Variants in OPCML observed in about 807,000 individuals in gnomAD.
OPCML encodes the protein opioid binding protein/cell adhesion molecule like.
Under a neutral mutation model 37.8 loss-of-function variants are expected in OPCML, and 13 were observed. The ratio of observed to expected loss-of-function variants is 0.34; its 90% CI spans 0.22 to 0.55. The LOEUF (loss-of-function observed/expected upper bound fraction) is 0.55. Ranked by LOEUF, OPCML falls within the 20% of genes least tolerant of loss-of-function variation. OPCML has a pLI of 0.91. For synonymous variants in OPCML, 176 were observed against 168.8 expected, an observed-to-expected ratio of 1.04 and a Z score of -0.33; for missense variants, 341 against 435.6, an observed-to-expected ratio of 0.78 and a Z score of 1.93.
In OPCML at chr11:132,791,657, C is replaced by T. The variant is rs1937914741; in HGVS notation, c.147-134338G>A. On this transcript the variant is annotated intron_variant, in intron 2 of 7. Transcript: ENST00000524381. ...TCAAAGTGAACATGGAGTATATGTT[C>T]CATATATGCTTACCTACTGTGCATG... 3.9e-5 allele frequency among the ~76,000 whole-genome samples: 6 copies of T among 152,140 alleles called. No homozygotes were observed. In the South Asian group the frequency reaches 1.2e-3, roughly 32 times the overall value.
At chr11:132,659,240 C>T (rs1460285624) in intron 2 of OPCML, among the ~76,000 whole-genome samples, 2 of 152,138 alleles carry the variant, frequency 1.3e-5, no homozygotes, top group Non-Finnish European at 2.9e-5. Flanking sequence ...GGATCTTAAA[C>T]GTTAATGGAT....
At chr11:133,499,537 C>T (rs1947859526) in intron 1 of OPCML, among the ~76,000 whole-genome samples, 1 of 151,852 alleles carries the variant, frequency 6.6e-6, no homozygotes, top group Non-Finnish European at 1.5e-5. Flanking sequence ...CCAAGGGAAG[C>T]CCATGCTTTG....
intron 3 of OPCML, among the ~76,000 whole-genome samples, chr11:132,625,808 C>G (rs933270144): frequency 1.3e-5 from 2 of 152,020 alleles, no homozygotes; most frequent in Admixed American, 1.3e-4. Context: ...GGAAGAACAG[C>G]CATACATGCA....
chr11:133,043,838 A>T (rs996777092), intron 1 of OPCML, among the ~76,000 whole-genome samples: 1 of 152,232 alleles, frequency 6.6e-6, no homozygotes, highest in Non-Finnish European at 1.5e-5. Context: ...CACTTTCAAC[A>T]AAAGGAGTAT....
intron 1 of OPCML, among the ~76,000 whole-genome samples, chr11:133,331,650 C>T (rs1250823840): frequency 6.6e-6 from 1 of 152,124 alleles, no homozygotes; most frequent in Non-Finnish European, 1.5e-5. Flanking sequence ...AACTCTTGAC[C>T]TTTTACCTTT....
At chr11:132,857,988 G>T (rs185054109) in intron 2 of OPCML, among the ~76,000 whole-genome samples, 74 of 152,282 alleles carry the variant, frequency 4.9e-4, no homozygotes, top group Non-Finnish European at 8.1e-4. Flanking sequence ...GGACAGTGTG[G>T]CGTCCTTAGG....
intron 1 of OPCML, among the ~76,000 whole-genome samples, chr11:133,267,672 T>C (rs1156967696): frequency 1.3e-5 from 2 of 152,224 alleles, no homozygotes; most frequent in Non-Finnish European, 2.9e-5. Flanking sequence ...AAATCTCATC[T>C]GGAATTGTAG....
At chr11:132,746,201 C>T (rs997160310) in intron 2 of OPCML, among the ~76,000 whole-genome samples, 2 of 152,054 alleles carry the variant, frequency 1.3e-5, no homozygotes, top group Non-Finnish European at 2.9e-5. Flanking sequence ...ACACTCAGGA[C>T]AGAGCCACTG....
chr11:132,505,044 T>C (rs2096253612), intron 4 of OPCML, among the ~76,000 whole-genome samples: 1 of 152,078 alleles, frequency 6.6e-6, no homozygotes. Context: ...AGAAAAAAAG[T>C]ACCATTTCAT....
intron 2 of OPCML, among the ~76,000 whole-genome samples, chr11:132,761,334 T>A (rs960834031): frequency 6.6e-6 from 1 of 151,794 alleles, no homozygotes; most frequent in African/African-American, 2.4e-5. Flanking sequence ...CTGTATTTCC[T>A]TAATGTGAAT....
chr11:132,991,506 T>G (rs1390372895), intron 1 of OPCML, among the ~76,000 whole-genome samples: 6 of 152,226 alleles, frequency 3.9e-5, no homozygotes, highest in Non-Finnish European at 8.8e-5. Context: ...ATTTGAAATA[T>G]TAACGAGCAT....
chr11:133,434,690 G>C (rs556319260), intron 1 of OPCML, among the ~76,000 whole-genome samples: 1 of 150,898 alleles, frequency 6.6e-6, no homozygotes, highest in African/African-American at 2.4e-5. Context: ...GGGGGAAAAA[G>C]TTTCTAGTAA....
chr11:132,997,260 G>A (rs1030191596), intron 1 of OPCML, among the ~76,000 whole-genome samples: 2 of 152,222 alleles, frequency 1.3e-5, no homozygotes, highest in African/African-American at 2.4e-5. Context: ...GGGAATGGAA[G>A]CACAGGATTA....
At chr11:132,782,000 T>A (rs1447199937) in intron 2 of OPCML, among the ~76,000 whole-genome samples, 10 of 143,158 alleles carry the variant, frequency 7.0e-5, no homozygotes, top group Admixed American at 2.1e-4. Context: ...AGGAGCAGCC[T>A]GAATAATGAA....
chr11:132,883,600 C>G (rs1943300872), intron 2 of OPCML, among the ~76,000 whole-genome samples: 1 of 152,066 alleles, frequency 6.6e-6, no homozygotes, highest in Non-Finnish European at 1.5e-5. Flanking sequence ...TACAGGAATA[C>G]TGTTAGCGTT....
chr11:132,551,993 A>G (rs78262045), intron 3 of OPCML, among the ~76,000 whole-genome samples: 18,907 of 151,922 alleles, frequency 0.12, 1,751 homozygotes, highest in East Asian at 0.47. Context: ...TCCGATTTTG[A>G]TTTTTCAGGG....
chr11:133,349,092 C>G (rs1003158761), intron 1 of OPCML, among the ~76,000 whole-genome samples: 10 of 152,264 alleles, frequency 6.6e-5, no homozygotes, highest in Non-Finnish European at 1.3e-4. Flanking sequence ...GTATGTGGAG[C>G]CTTTAAGCAG....
At chr11:132,621,717 T>C (rs1213014490) in intron 3 of OPCML, among the ~76,000 whole-genome samples, 2 of 152,234 alleles carry the variant, frequency 1.3e-5, no homozygotes, top group African/African-American at 4.8e-5. Flanking sequence ...CATATATAAG[T>C]TCTCCTTGCT....
At chr11:133,356,683 T>A (rs1010003901) in intron 1 of OPCML, among the ~76,000 whole-genome samples, 20 of 152,306 alleles carry the variant, frequency 1.3e-4, no homozygotes, top group African/African-American at 4.8e-4. Context: ...CCCCTCTAAA[T>A]AGCTTTAATT....
Sources: gnomAD v4.1 joint callset for allele counts (sites outside exome capture counted in the v4.1 genomes callset) on GRCh38, gnomAD v4.1.1 for gene constraint, MANE v1.5 for transcripts, NCBI Gene and HGNC (gene_info 2026-07-23, HGNC 2026-07-21) for gene names.